Variants in TEK observed in about 807,000 individuals in gnomAD.
TEK encodes the protein angiopoietin-1 receptor.
A neutral mutation model predicts 131.8 loss-of-function variants in TEK; 43 were observed. The observed-to-expected ratio is 0.33, with a 90% CI of 0.26 to 0.42. The LOEUF is 0.42. Among genes scored for constraint, TEK ranks in the 10% least tolerant of loss-of-function variants. The probability of loss-of-function intolerance (pLI) is 1.00; values close to 1 mark genes in which losing one functional copy is unlikely to be tolerated. For missense variants in TEK, 1,162 were observed against 1,384.4 expected (o/e 0.84, Z 2.55); for synonymous variants, 580 against 491.6 (o/e 1.18, Z -2.38).
In TEK at chr9:27,217,839, A is replaced by C. The variant is rs1825874058; in HGVS notation, c.3062+81A>C. Reference sequence around the variant, plus strand: ...TTTGACAGAGGTTTTAAAAAGATACAGGAATGTCCTGTAGCTCTCGGGAAC... The same window carrying C: ...TTTGACAGAGGTTTTAAAAAGATACCGGAATGTCCTGTAGCTCTCGGGAAC... On this transcript the variant is annotated intron_variant, in intron 19 of 22. Transcript: ENST00000380036. The C allele has an allele frequency of 3.1e-6, 4 of 1,277,660 alleles. No individual in the cohort carries two copies. The Admixed American group carries it at 7.1e-5, about 23-fold the overall frequency. 79.1% of individuals were successfully genotyped at this position (1,277,660 alleles called of 1,614,324 possible).
At chr9:27,206,885 A>G in intron 15 of TEK, 93 bp downstream of exon 15, 1 of 1,429,156 alleles carries the variant, frequency 7.0e-7, no homozygotes, top group Non-Finnish European at 9.6e-7. Flanking sequence ...CTTACAAAAA[A>G]TTGGCATGGT....
chr9:27,114,776 A>G (rs1177681534), intron 1 of TEK, among the ~76,000 whole-genome samples: 1 of 152,202 alleles, frequency 6.6e-6, no homozygotes, highest in South Asian at 2.1e-4. Flanking sequence ...CATAAAAGAT[A>G]TACTCATAAA....
At chr9:27,196,638 T>C (rs1186711047) in intron 11 of TEK, among the ~76,000 whole-genome samples, 1 of 152,058 alleles carries the variant, frequency 6.6e-6, no homozygotes, top group East Asian at 1.9e-4. Flanking sequence ...GCATGCCGTA[T>C]AGGAAGCATC....
intron 1 of TEK, among the ~76,000 whole-genome samples, chr9:27,112,500 C>G (rs1432446331): frequency 6.6e-6 from 1 of 152,176 alleles, no homozygotes; most frequent in East Asian, 1.9e-4. Flanking sequence ...CAGCCCTGCC[C>G]TGGGAGAGCT....
At chr9:27,221,890 T>C (rs1826098943) in intron 21 of TEK, among the ~76,000 whole-genome samples, 1 of 152,096 alleles carries the variant, frequency 6.6e-6, no homozygotes, top group Non-Finnish European at 1.5e-5. Flanking sequence ...ACGAATGAGT[T>C]TGACAAACTG....
intron 13 of TEK, 73 bp from the exon 14 acceptor site, chr9:27,204,838 C>T: frequency 1.3e-6 from 2 of 1,585,244 alleles, no homozygotes; most frequent in Non-Finnish European, 1.7e-6. Context: ...ACTGTGTCTT[C>T]TCCCACATAC....
At chr9:27,168,398 C>T (rs902742058) in intron 2 of TEK, 97 bp from the exon 3 acceptor site, 1 of 892,030 alleles carries the variant, frequency 1.1e-6, no homozygotes, top group Non-Finnish European at 1.9e-6. Context: ...TGACACCTAG[C>T]AAGTGCCAGC....
intron 1 of TEK, among the ~76,000 whole-genome samples, chr9:27,131,368 A>T (rs1822211671): frequency 6.6e-6 from 1 of 151,424 alleles, no homozygotes; most frequent in Non-Finnish European, 1.5e-5. Flanking sequence ...AGTTCCAGCT[A>T]CTTGGGAGGC....
intron 1 of TEK, among the ~76,000 whole-genome samples, chr9:27,154,672 G>T (rs541020139): frequency 6.6e-6 from 1 of 152,292 alleles, no homozygotes; most frequent in African/African-American, 2.4e-5. Flanking sequence ...CTCATCCTAG[G>T]AAGCTGGTAG....
intron 1 of TEK, among the ~76,000 whole-genome samples, chr9:27,114,581 A>T (rs1031761411): frequency 6.6e-6 from 1 of 150,698 alleles, no homozygotes; most frequent in East Asian, 1.9e-4. Context: ...AAAAAAAAAT[A>T]AAAAAAAATT....
chr9:27,117,185 AC>A (rs1821605007), intron 1 of TEK, among the ~76,000 whole-genome samples: 1 of 152,008 alleles, frequency 6.6e-6, no homozygotes, highest in Non-Finnish European at 1.5e-5. Context: ...TTTTAAGAAG[AC>A]AGTAAGATGG....
intron 21 of TEK, among the ~76,000 whole-genome samples, chr9:27,222,496 A>T (rs1021818265): frequency 2.6e-5 from 4 of 152,186 alleles, no homozygotes; most frequent in African/African-American, 9.7e-5. Flanking sequence ...GGGAAGCCAA[A>T]CAGACTAACA....
intron 2 of TEK, 88 bp downstream of exon 2, chr9:27,158,230 G>A (rs1823413546): frequency 2.1e-6 from 3 of 1,437,234 alleles, no homozygotes; most frequent in Non-Finnish European, 2.0e-6. Context: ...CAGGGGCAGG[G>A]CATGCACTAC....
rs867018293 is a variant in TEK at position 27,197,429 on chromosome 9, G to A, written c.1739G>A (p.Arg580Lys). Residue 580 changes from arginine to lysine, a missense_variant, in exon 12 of 23, where the codon AGA becomes AAA. Arg to Lys is a conservative substitution (Grantham distance 26). This residue lies in a region of TEK where 477 missense variants were observed against 471.0 expected (regional missense o/e 1.01). Transcript: ENST00000380036. ...SEDDFYVEVE[R>K]RSVQKSDQQN... ...GATGACTTTTATGTTGAAGTGGAGAGAAGGTCTGTGCAAAAAAGTGATCAG... is the reference window on the plus strand; with the variant it reads ...GATGACTTTTATGTTGAAGTGGAGAAAAGGTCTGTGCAAAAAAGTGATCAG... The A allele has an allele frequency of 6.2e-7, 1 of 1,614,138 alleles. No individual in the cohort carries two copies.
intron 1 of TEK, among the ~76,000 whole-genome samples, chr9:27,132,890 C>T (rs1822277490): frequency 1.3e-5 from 2 of 152,084 alleles, no homozygotes; most frequent in Admixed American, 1.3e-4. Flanking sequence ...AGAGAGATGA[C>T]AGAGAGAGAG....
Position 27,213,588 on chromosome 9 carries a change from A to G in TEK, c.2982A>G (p.Lys994=). The G allele has an allele frequency of 6.2e-7, 1 of 1,612,640 alleles. No individual in the cohort carries two copies. Among genetic ancestry groups the G allele is most frequent in the Non-Finnish European group, 8.5e-7 (1 of 1,178,730 alleles). Residue 994 remains lysine, a synonymous_variant, in exon 18 of 23, where the codon AAA becomes AAG. Coordinates refer to ENST00000380036, the MANE Select transcript of TEK (RefSeq NM_000459.5). ...CCCGAGGTCAAGAGGTGTATGTGAA[A>G]AAGACAATGGTAAGTGCCAGACACA... The part of the protein sequence containing the change: ...GLSRGQEVYV[K]KTMGRLPVRW...
At chr9:27,171,102 T>C (rs1339110081) in intron 4 of TEK, among the ~76,000 whole-genome samples, 2 of 152,160 alleles carry the variant, frequency 1.3e-5, no homozygotes, top group Non-Finnish European at 1.5e-5. Flanking sequence ...ATGTAAGAGT[T>C]AGAACTAGTA....
At chr9:27,116,597 T>G (rs540572385) in intron 1 of TEK, among the ~76,000 whole-genome samples, 4 of 152,082 alleles carry the variant, frequency 2.6e-5, no homozygotes, top group African/African-American at 9.6e-5. Context: ...AGGAAGATAT[T>G]TATCAAAATT....
chr9:27,137,779 T>C (rs1251448519), intron 1 of TEK, among the ~76,000 whole-genome samples: 1 of 152,192 alleles, frequency 6.6e-6, no homozygotes, highest in Non-Finnish European at 1.5e-5. Flanking sequence ...TTTAGACTTC[T>C]CATTTTTCTC....
Sources: allele counts gnomAD v4.1 joint callset (sites outside exome capture counted in the v4.1 genomes callset), GRCh38; gene constraint gnomAD v4.1.1; regional missense constraint gnomAD v4.1.1; transcripts MANE v1.5; gene names NCBI Gene and HGNC (gene_info 2026-07-23, HGNC 2026-07-21).